The following NPLOC4 variants were observed in gnomAD, a reference collection of about 807,000 sequenced individuals.
The protein encoded by NPLOC4 is nuclear protein localization protein 4 homolog.
In NPLOC4, 18 loss-of-function variants were observed where a neutral mutation model predicts 80.6. The ratio of observed to expected loss-of-function variants is 0.22; its 90% CI spans 0.15 to 0.33. NPLOC4 has a LOEUF of 0.33. Ranked by LOEUF, NPLOC4 falls within the 10% of genes least tolerant of loss-of-function variation. The pLI is 1.00. For missense variants in NPLOC4, 540 were observed against 786.1 expected (o/e 0.69, Z 3.74); for synonymous variants, 313 against 301.5 (o/e 1.04, Z -0.39).
intron 3 of NPLOC4, among the ~76,000 whole-genome samples, 163 bp from the exon 4 acceptor site, chr17:81,613,657 A>G (rs1042276732): frequency 6.6e-6 from 1 of 152,080 alleles, no homozygotes; most frequent in Non-Finnish European, 1.5e-5. Context: ...CATCTCCCCT[A>G]TGTTTCCTGG....
rs777150721 is a variant in NPLOC4 at position 81,596,126 on chromosome 17, T to C, written c.1110A>G (p.Ala370=). 1.9e-6 allele frequency: 3 copies of C among 1,613,962 alleles called. No homozygotes were observed. The highest frequency in any genetic ancestry group is 2.5e-6 in the Non-Finnish European group (3 of 1,179,848). Residue 370 remains alanine, a synonymous_variant, in exon 11 of 17, where the codon GCA becomes GCG. Transcript: ENST00000331134. Reference sequence around the variant, plus strand: ...CTGTCCCTGTTATACCTGTAGCCACTGCAGTAACAAACTTGGATCCAAAAT... The same window carrying C: ...CTGTCCCTGTTATACCTGTAGCCACCGCAGTAACAAACTTGGATCCAAAAT... ...DGHFGSKFVT[A]VATGGPDNQV...
At chr17:81,627,984 G>A (rs550703514) in intron 2 of NPLOC4, among the ~76,000 whole-genome samples, 154 of 152,036 alleles carry the variant, frequency 1.0e-3, no homozygotes, top group Non-Finnish European at 1.7e-3. Context: ...AGGCCAAGGC[G>A]GGCAGATCAC....
chr17:81,597,873 T>C (rs2034958927), intron 9 of NPLOC4, among the ~76,000 whole-genome samples: 1 of 150,624 alleles, frequency 6.6e-6, no homozygotes, highest in South Asian at 2.1e-4. Context: ...AGACGGTGGA[T>C]CACGAGGTCA....
chr17:81,615,358 C>A (rs986765075), intron 3 of NPLOC4, among the ~76,000 whole-genome samples: 1 of 152,076 alleles, frequency 6.6e-6, no homozygotes. Flanking sequence ...CCTCGGCCTC[C>A]CAAAGTGCTA....
intron 12 of NPLOC4, among the ~76,000 whole-genome samples, chr17:81,583,737 G>A (rs528629971): frequency 1.3e-5 from 2 of 152,266 alleles, no homozygotes; most frequent in South Asian, 4.1e-4. Context: ...TTCTCTTACT[G>A]GCTGCATATG....
rs1411264307 is a variant in NPLOC4, at chr17:81,637,074, C to G, written c.-144G>C. The G allele has an allele frequency of 5.0e-6, 2 of 399,174 alleles. No homozygotes were observed. The highest frequency in any genetic ancestry group is 4.1e-6 in the Non-Finnish European group (1 of 246,852). The allele number at this position is 399,174 out of a possible 1,614,324, so 24.7% of individuals were successfully genotyped here. ...CGCCGCTCCAGCTTCGCCCGCCCGG[C>G]TCCGCCAGCCGCCGACGTCCCGGTG... On this transcript the variant is annotated 5_prime_UTR_variant, in exon 1 of 17. Transcript: ENST00000331134.
At chr17:81,571,202 C>T (rs1246746041) in intron 13 of NPLOC4, among the ~76,000 whole-genome samples, 1 of 152,182 alleles carries the variant, frequency 6.6e-6, no homozygotes, top group Non-Finnish European at 1.5e-5. Flanking sequence ...GCCTGAATCA[C>T]GTGCCCATCC....
chr17:81,625,170 A>G (rs2035765452), intron 2 of NPLOC4, among the ~76,000 whole-genome samples: 1 of 152,174 alleles, frequency 6.6e-6, no homozygotes. Context: ...GGAATGAGAG[A>G]AAGGAAGGAG....
At chr17:81,632,833 A>C (rs2035965821) in intron 1 of NPLOC4, among the ~76,000 whole-genome samples, 2 of 152,170 alleles carry the variant, frequency 1.3e-5, no homozygotes, top group Non-Finnish European at 2.9e-5. Context: ...AGATTTTCCT[A>C]AAATAGGATA....
chr17:81,605,198 G>A (rs8082297), intron 7 of NPLOC4, among the ~76,000 whole-genome samples: 21,522 of 150,260 alleles, frequency 0.14, 1,826 homozygotes, highest in Admixed American at 0.23. Context: ...GGAGAATGGC[G>A]TGAACCCGGG....
chr17:81,567,295 C>T lies in NPLOC4; in HGVS notation c.1566+122G>A. ...GACAAATGAGGGGGACAACCTGTGA[C>T]CCCGAGCTTTGACCCAGTTTCCCAA... On this transcript the variant is annotated intron_variant, in intron 15 of 16. Coordinates refer to ENST00000331134, the MANE Select transcript of NPLOC4 (RefSeq NM_017921.4). The surrounding 1 kb of genome is among the most constrained non-coding windows in gnomAD (Gnocchi z 4.5). 1.5e-6 allele frequency: 1 copy of T among 657,562 alleles called. No homozygotes were observed. The highest frequency in any genetic ancestry group is 2.8e-6 in the Non-Finnish European group (1 of 362,708). 40.7% of individuals were successfully genotyped at this position (657,562 alleles called of 1,614,324 possible).
intron 11 of NPLOC4, among the ~76,000 whole-genome samples, chr17:81,594,042 G>C (rs1214950858): frequency 6.6e-6 from 1 of 152,064 alleles, no homozygotes; most frequent in African/African-American, 2.4e-5. Flanking sequence ...GGAAGGCCGA[G>C]GCGGGCGGAT....
At chr17:81,565,045 G>C (rs960805406) in intron 16 of NPLOC4, 1 of 484,464 alleles carries the variant, frequency 2.1e-6, no homozygotes, top group Non-Finnish European at 3.7e-6. Flanking sequence ...CGGAAGACAC[G>C]CAATGCCTGC....
At position 81,559,128 on chromosome 17, in the gene NPLOC4, C is replaced by T. The variant is rs537936874; in HGVS notation, c.*131G>A. ...AGAAGCTTCAGTGGGTCAGGGAGCCCAGGACAGCCAGCCCCTTGTTCCTCC... is the reference window on the plus strand; with the variant it reads ...AGAAGCTTCAGTGGGTCAGGGAGCCTAGGACAGCCAGCCCCTTGTTCCTCC... On this transcript the variant is annotated 3_prime_UTR_variant, in exon 17 of 17. Coordinates refer to ENST00000331134, the MANE Select transcript of NPLOC4 (RefSeq NM_017921.4). 2 of 1,076,572 alleles carry T rather than the reference C, an allele frequency of 1.9e-6. No homozygotes were observed. Among genetic ancestry groups the T allele is most frequent in the South Asian group, 1.7e-5 (1 of 59,480 alleles). 66.7% of individuals were successfully genotyped at this position (1,076,572 alleles called of 1,614,324 possible). A position where few individuals can be genotyped will look rare whatever the true frequency, so the allele number is the denominator to read the frequency against.
intron 9 of NPLOC4, among the ~76,000 whole-genome samples, chr17:81,600,136 T>C (rs974578008): frequency 9.2e-5 from 14 of 152,164 alleles, no homozygotes; most frequent in Admixed American, 3.9e-4. Flanking sequence ...GTTCTCATTT[T>C]AGTTTAAGTC....
chr17:81,590,561 G>A (rs2034711817), intron 11 of NPLOC4, among the ~76,000 whole-genome samples: 1 of 151,972 alleles, frequency 6.6e-6, no homozygotes, highest in South Asian at 2.1e-4. Flanking sequence ...ACCCAGGCTG[G>A]TCTCTAACTC....
At chr17:81,627,349 G>A (rs147730846) in intron 2 of NPLOC4, among the ~76,000 whole-genome samples, 1,983 of 150,276 alleles carry the variant, frequency 0.013, 51 homozygotes, top group African/African-American at 0.046. Flanking sequence ...CCGAGATCGC[G>A]CCACTGCATT....
chr17:81,613,519 G>A (rs2035397599), intron 3 of NPLOC4, 25 bp from the exon 4 acceptor site: 3 of 1,596,802 alleles, frequency 1.9e-6, no homozygotes, highest in Non-Finnish European at 2.6e-6. Flanking sequence ...AACAGAGGCT[G>A]ATGCCTTCCC....
chr17:81,580,830 GA>G lies in NPLOC4; in HGVS notation c.1281+8113del, dbSNP rs1256435982. ...GGATGCCGTGAGAGCATCGCACAGT[GA>G]ATCAGGTCAGTGCTACCAAGGGCTT... On this transcript the variant is annotated intron_variant, in intron 12 of 16. Transcript: ENST00000331134. The surrounding 1 kb of genome is among the most constrained non-coding windows in gnomAD (Gnocchi z 4.4). Among the ~76,000 whole-genome samples the G allele has an allele frequency of 2.0e-5, 3 of 152,198 alleles. No individual in the cohort carries two copies. The highest frequency in any genetic ancestry group is 2.9e-5 in the Non-Finnish European group (2 of 68,038).
Sources: gnomAD v4.1 joint callset for allele counts (sites outside exome capture counted in the v4.1 genomes callset) on GRCh38, gnomAD v4.1.1 for gene constraint, Gnocchi (gnomAD v3.1) non-coding constraint, MANE v1.5 for transcripts, NCBI Gene and HGNC (gene_info 2026-07-23, HGNC 2026-07-21) for gene names.